Variants in NTRK2 observed in about 807,000 individuals in gnomAD.
The protein encoded by NTRK2 is BDNF/NT-3 growth factors receptor.
NTRK2 carries 13 observed loss-of-function variants against 94.5 expected under a neutral mutation model. The ratio of observed to expected loss-of-function variants is 0.14; its 90% CI spans 0.09 to 0.22. NTRK2 has a LOEUF of 0.22. Ranked by LOEUF, NTRK2 falls within the 10% of genes least tolerant of loss-of-function variation. The pLI, the probability that NTRK2 is intolerant of heterozygous loss-of-function variation, is 1.00. For missense variants in NTRK2, 639 were observed against 1,071.2 expected (o/e 0.60, Z 5.63); for synonymous variants, 372 against 407.4 (o/e 0.91, Z 1.05).
At position 84,699,426 on chromosome 9, in the gene NTRK2, C is replaced by T. The variant is rs141435653; in HGVS notation, c.213-2733C>T. On this transcript the variant is annotated intron_variant, in intron 2 of 18. Transcript: ENST00000277120. ...TATTTATCCAGGGCATTCTTGCCCC[C>T]ACAGTAGAAGCGTATTCTCTAGTGA... 4.6e-4 allele frequency among the ~76,000 whole-genome samples: 70 copies of T among 152,276 alleles called. 2 individuals are homozygous for T. The Middle Eastern group carries it at 0.031, about 67-fold the overall frequency.
intron 15 of NTRK2, among the ~76,000 whole-genome samples, chr9:84,945,095 C>G (rs2078552610): frequency 6.6e-6 from 1 of 152,182 alleles, no homozygotes; most frequent in East Asian, 1.9e-4. Context: ...TTGGGGCCAA[C>G]TCTCCAGGAG....
chr9:84,708,439 A>G (rs1244063202), intron 5 of NTRK2, among the ~76,000 whole-genome samples: 1 of 139,526 alleles, frequency 7.2e-6, no homozygotes, highest in African/African-American at 2.6e-5. Context: ...ATTGCATTCA[A>G]TATTTATTTT....
At chr9:84,786,871 C>T (rs975448933) in intron 12 of NTRK2, among the ~76,000 whole-genome samples, 9 of 152,094 alleles carry the variant, frequency 5.9e-5, no homozygotes, top group Non-Finnish European at 1.3e-4. Flanking sequence ...TGTCGAAAAT[C>T]CACTCTCGAT....
At chr9:84,681,678 C>T (rs2059399950) in intron 2 of NTRK2, among the ~76,000 whole-genome samples, 1 of 152,202 alleles carries the variant, frequency 6.6e-6, no homozygotes, top group Admixed American at 6.5e-5. Flanking sequence ...GCATCCCCGC[C>T]TCCAGTCTTG....
intron 2 of NTRK2, among the ~76,000 whole-genome samples, chr9:84,693,755 G>T (rs75322949): frequency 6.6e-6 from 1 of 152,180 alleles, no homozygotes; most frequent in Non-Finnish European, 1.5e-5. Flanking sequence ...AAACTGAGGC[G>T]TAGGGACTTG....
chr9:84,782,778 C>A (rs1441170705), intron 12 of NTRK2, among the ~76,000 whole-genome samples: 1 of 152,122 alleles, frequency 6.6e-6, no homozygotes, highest in Non-Finnish European at 1.5e-5. Context: ...ACGGTTCAGG[C>A]TGAAGTTGTC....
At chr9:84,999,856 G>A (rs1174597687) in intron 17 of NTRK2, among the ~76,000 whole-genome samples, 1 of 152,134 alleles carries the variant, frequency 6.6e-6, no homozygotes, top group Non-Finnish European at 1.5e-5. Flanking sequence ...GTTTCCTGTA[G>A]GTTTCCTCCA....
At chr9:84,703,425 G>C (rs763628954) in intron 4 of NTRK2, among the ~76,000 whole-genome samples, 1 of 152,190 alleles carries the variant, frequency 6.6e-6, no homozygotes, top group Non-Finnish European at 1.5e-5. Flanking sequence ...AAGTAGCAGA[G>C]TTATGACTCC....
At chr9:84,973,142 G>C (rs1405073278) in intron 17 of NTRK2, among the ~76,000 whole-genome samples, 1 of 152,146 alleles carries the variant, frequency 6.6e-6, no homozygotes, top group Non-Finnish European at 1.5e-5. Context: ...GCTTCTCCAT[G>C]TCACAGAGAA....
At chr9:85,007,344 G>A (rs1000581581) in intron 17 of NTRK2, among the ~76,000 whole-genome samples, 3 of 152,170 alleles carry the variant, frequency 2.0e-5, no homozygotes, top group Non-Finnish European at 4.4e-5. Context: ...AAAATGTAGG[G>A]GACCCTGCAA....
At chr9:84,716,153 A>G (rs1725574029) in intron 6 of NTRK2, among the ~76,000 whole-genome samples, 1 of 151,890 alleles carries the variant, frequency 6.6e-6, no homozygotes, top group Non-Finnish European at 1.5e-5. Flanking sequence ...CTGTGCAGTT[A>G]CTATATAAAC....
intron 12 of NTRK2, among the ~76,000 whole-genome samples, chr9:84,793,095 G>A (rs190813442): frequency 5.9e-5 from 9 of 151,974 alleles, no homozygotes; most frequent in Admixed American, 6.6e-5. Context: ...TGGTGTGTAC[G>A]TGTGTGTTGG....
intron 6 of NTRK2, among the ~76,000 whole-genome samples, chr9:84,718,284 G>C (rs1244804313): frequency 6.6e-6 from 1 of 152,160 alleles, no homozygotes; most frequent in East Asian, 1.9e-4. Flanking sequence ...GGAACAGAGA[G>C]TTTGCTAGAA....
At chr9:84,982,441 C>T (rs1564523647) in intron 17 of NTRK2, among the ~76,000 whole-genome samples, 1 of 152,132 alleles carries the variant, frequency 6.6e-6, no homozygotes, top group Non-Finnish European at 1.5e-5. Flanking sequence ...CAGAAATCTC[C>T]CCTAGGAATC....
In NTRK2 at chr9:84,710,745, A is replaced by C; in HGVS notation, c.537A>C (p.Glu179Asp). The C allele has an allele frequency of 6.2e-7, 1 of 1,614,158 alleles. No individual in the cohort carries two copies. The highest frequency in any genetic ancestry group is 8.5e-7 in the Non-Finnish European group (1 of 1,180,008). Residue 179 changes from glutamate (E) to aspartate (D), a missense_variant, in exon 6 of 19, where the codon GAA becomes GAC. By Grantham distance (45) the Glu-to-Asp change is conservative. Coordinates refer to ENST00000277120, the MANE Select transcript of NTRK2 (RefSeq NM_006180.6). ...CTCAGGATTTGTACTGCCTGAATGAAAGCAGCAAGAATATTCCCCTGGCAA... is the reference window on the plus strand; with the variant it reads ...CTCAGGATTTGTACTGCCTGAATGACAGCAGCAAGAATATTCCCCTGGCAA... ...PDTQDLYCLN[E>D]SSKNIPLANL...
At chr9:84,810,477 G>T in intron 12 of NTRK2, 5 of 1,400,408 alleles carry the variant, frequency 3.6e-6, no homozygotes, top group Non-Finnish European at 4.0e-6. Context: ...TATTGTACTT[G>T]TATGTTAATT....
chr9:84,797,381 G>T (rs1411948563), intron 12 of NTRK2, among the ~76,000 whole-genome samples: 1 of 150,186 alleles, frequency 6.7e-6, no homozygotes, highest in Non-Finnish European at 1.5e-5. Context: ...TTGTCCCTTT[G>T]CAGAAAAAGT....
At chr9:84,865,811 C>T (rs1309435834) in intron 13 of NTRK2, among the ~76,000 whole-genome samples, 5 of 152,206 alleles carry the variant, frequency 3.3e-5, no homozygotes, top group Non-Finnish European at 7.3e-5. Context: ...TTCCATGGGA[C>T]CCTGCCTGTG....
intron 2 of NTRK2, among the ~76,000 whole-genome samples, chr9:84,698,107 A>G (rs1303601598): frequency 1.3e-5 from 2 of 152,112 alleles, no homozygotes; most frequent in African/African-American, 4.8e-5. Context: ...GTTTAATAAC[A>G]TAAATGGTAT....
Sources: gnomAD v4.1 joint callset for allele counts (sites outside exome capture counted in the v4.1 genomes callset) on GRCh38, gnomAD v4.1.1 for gene constraint, MANE v1.5 for transcripts, NCBI Gene and HGNC (gene_info 2026-07-23, HGNC 2026-07-21) for gene names.